CKMT2: variants seen among roughly 807,000 people sequenced by gnomAD.
The protein encoded by CKMT2 is creatine kinase, mitochondrial 2.
In CKMT2, 43 loss-of-function variants were observed where a neutral mutation model predicts 48.9. The ratio of observed to expected loss-of-function variants is 0.88; its 90% CI spans 0.69 to 1.13. The LOEUF is 1.13. CKMT2 is among the 50% of genes most tolerant of loss of function. The pLI is 0.00. For missense variants in CKMT2, 472 were observed against 555.4 expected, an observed-to-expected ratio of 0.85 and a Z score of 1.51; for synonymous variants, 206 against 213.0, an observed-to-expected ratio of 0.97 and a Z score of 0.29.
chr5:81,254,012 G>C (rs776891817), intron 3 of CKMT2, among the ~76,000 whole-genome samples: 3 of 152,312 alleles, frequency 2.0e-5, no homozygotes, highest in Non-Finnish European at 4.4e-5. Context: ...TGTAGCCTCT[G>C]ATCAGGTAGC....
At chr5:81,263,391 A>C (rs1378492126) in intron 8 of CKMT2, 100 bp from the exon 9 acceptor site, 1 of 507,882 alleles carries the variant, frequency 2.0e-6, no homozygotes, top group Non-Finnish European at 3.1e-6. Context: ...AAAAAGTTAA[A>C]CTGTTATCTC....
chr5:81,245,953 T>C (rs995692928), intron 1 of CKMT2, among the ~76,000 whole-genome samples: 1 of 151,992 alleles, frequency 6.6e-6, no homozygotes, highest in Non-Finnish European at 1.5e-5. Context: ...TCCCTTATCT[T>C]TCATTTCCAA....
chr5:81,251,088 C>CTAA, intron 1 of CKMT2, 25 bp from the exon 2 acceptor site: 2 of 1,599,820 alleles, frequency 1.3e-6, no homozygotes, highest in Non-Finnish European at 1.7e-6. Context: ...ATGAAGCTAT[C>CTAA]TAATCCAGCT....
At chr5:81,246,777 G>A (rs942873527) in intron 1 of CKMT2, 1 of 152,234 alleles carries the variant, frequency 6.6e-6, no homozygotes, top group East Asian at 1.9e-4. Context: ...TAGAGTGGAG[G>A]GGATGGTGGG....
At position 81,257,733 on chromosome 5, in the gene CKMT2, G is replaced by T; in HGVS notation, c.756G>T (p.Trp252Cys). Residue 252 changes from tryptophan (W) to cysteine (C), a missense_variant and splice_region_variant, in exon 7 of 10, where the codon TGG becomes TGT. By Grantham distance (215) the Trp-to-Cys change is radical. Coordinates refer to ENST00000254035, the MANE Select transcript of CKMT2 (RefSeq NM_001099735.2). Reference sequence around the variant, plus strand: ...AGTACCATATTTCTCTCTTCATTAGGCATAATTATGATAAGACATTTCTCA... The same window carrying T: ...AGTACCATATTTCTCTCTTCATTAGTCATAATTATGATAAGACATTTCTCA... ...ARDWPDARGI[W>C]HNYDKTFLIW... 1 of 1,610,630 alleles carries T rather than the reference G, an allele frequency of 6.2e-7. No individual in the cohort carries two copies. Among genetic ancestry groups the T allele is most frequent in the Non-Finnish European group, 8.5e-7 (1 of 1,178,126 alleles).
chr5:81,250,457 T>C (rs1756766168), intron 1 of CKMT2, among the ~76,000 whole-genome samples: 1 of 152,194 alleles, frequency 6.6e-6, no homozygotes, highest in Non-Finnish European at 1.5e-5. Flanking sequence ...TTGGTGATCT[T>C]TGGGAGTTCA....
rs749488402 is a variant in CKMT2 at position 81,255,211 on chromosome 5, C to G, written c.666C>G (p.Ile222Met). The change falls in exon 5 of 10, where the codon ATC (isoleucine) becomes ATG (methionine). Residue 222 changes from isoleucine to methionine, a missense_variant. By Grantham distance (10) the Ile-to-Met change is conservative. Transcript: ENST00000254035. ...CGGAGCAGGACCAGCAGCGGCTCAT[C>G]GATGTGAGTAGCAGATGGGGCTCCC... The part of the protein sequence containing the change: ...EMTEQDQQRL[I>M]DDHFLFDKPV... The G allele has an allele frequency of 1.5e-5, 25 of 1,613,596 alleles. No homozygotes were observed. Among genetic ancestry groups the G allele is most frequent in the Non-Finnish European group, 1.9e-5 (23 of 1,179,826 alleles).
intron 7 of CKMT2, among the ~76,000 whole-genome samples, chr5:81,258,145 T>A (rs1489867815): frequency 6.6e-6 from 1 of 152,156 alleles, no homozygotes; most frequent in Non-Finnish European, 1.5e-5. Flanking sequence ...GGTGATCTGC[T>A]GGCCTCAGCC....
At chr5:81,254,544 A>T in intron 4 of CKMT2, 53 bp downstream of exon 4, 1 of 1,505,020 alleles carries the variant, frequency 6.6e-7, no homozygotes, top group Non-Finnish European at 9.2e-7. Flanking sequence ...CCTGAGCCCA[A>T]GGGGAAGGCC....
chr5:81,233,421 G>T (rs1756164838), intron 1 of CKMT2, 44 bp downstream of exon 1: 1 of 983,470 alleles, frequency 1.0e-6, no homozygotes, highest in Non-Finnish European at 1.2e-6. Context: ...CCAAAGAGGG[G>T]TCATGGCTAG....
At chr5:81,237,645 G>C (rs753373993) in intron 1 of CKMT2, 1 of 152,148 alleles carries the variant, frequency 6.6e-6, no homozygotes, top group Non-Finnish European at 1.5e-5. Flanking sequence ...GTTCCATTAA[G>C]AGAAAATTAA....
rs980262414 is a variant in CKMT2, at chr5:81,252,576, T to C, written c.153-119T>C. On this transcript the variant is annotated intron_variant, in intron 2 of 9. Coordinates refer to ENST00000254035, the MANE Select transcript of CKMT2 (RefSeq NM_001099735.2). ...TGACTCCTAGGCAGTTCTAGCCAAGTATCCCTGTGCCCACTGGCTGAAGGG... is the reference window on the plus strand; with the variant it reads ...TGACTCCTAGGCAGTTCTAGCCAAGCATCCCTGTGCCCACTGGCTGAAGGG... The C allele has an allele frequency of 1.1e-5, 11 of 987,174 alleles. No homozygotes were observed. The Admixed American group carries it at 1.7e-4, about 16-fold the overall frequency. The allele number at this position is 987,174 out of a possible 1,614,324, so 61.2% of individuals were successfully genotyped here. A position where few individuals can be genotyped will look rare whatever the true frequency, so the allele number is the denominator to read the frequency against.
chr5:81,259,713 C>T (rs992494623), intron 8 of CKMT2, among the ~76,000 whole-genome samples: 6 of 152,160 alleles, frequency 3.9e-5, no homozygotes, highest in African/African-American at 1.4e-4. Context: ...CTTGGAGGAA[C>T]GCTGTCTTAG....
At chr5:81,262,221 C>T (rs1276918778) in intron 8 of CKMT2, among the ~76,000 whole-genome samples, 1 of 151,996 alleles carries the variant, frequency 6.6e-6, no homozygotes, top group Non-Finnish European at 1.5e-5. Context: ...AACATAAGAC[C>T]TAAAAACCAT....
intron 3 of CKMT2, among the ~76,000 whole-genome samples, chr5:81,253,510 C>T (rs530416111): frequency 1.6e-4 from 25 of 152,318 alleles, no homozygotes; most frequent in South Asian, 6.2e-4. Context: ...GCAGCCTCTC[C>T]GCTGAGGCAA....
intron 9 of CKMT2, among the ~76,000 whole-genome samples, chr5:81,265,536 G>C (rs73768056): frequency 0.018 from 2,679 of 152,286 alleles, 72 homozygotes; most frequent in African/African-American, 0.06. Flanking sequence ...AAATTAAGTA[G>C]ATGTGCTCTG....
intron 7 of CKMT2, 130 bp from the exon 8 acceptor site, chr5:81,258,990 T>G: frequency 1.2e-6 from 1 of 803,274 alleles, no homozygotes; most frequent in Non-Finnish European, 1.9e-6. Flanking sequence ...CTTAAAGGAG[T>G]ACTATAAATT....
chr5:81,250,176 G>C (rs1250951217), intron 1 of CKMT2, among the ~76,000 whole-genome samples: 1 of 152,090 alleles, frequency 6.6e-6, no homozygotes, highest in East Asian at 1.9e-4. Context: ...TACATTCTGA[G>C]TAATTTCTTA....
chr5:81,253,008 A>T, intron 3 of CKMT2, 115 bp downstream of exon 3: 1 of 1,156,194 alleles, frequency 8.6e-7, no homozygotes, highest in Non-Finnish European at 1.3e-6. Flanking sequence ...CTTCTCAGGA[A>T]GGGCTCTCAT....
Sources: gnomAD v4.1 joint callset for allele counts (sites outside exome capture counted in the v4.1 genomes callset) on GRCh38, gnomAD v4.1.1 for gene constraint, MANE v1.5 for transcripts, NCBI Gene and HGNC (gene_info 2026-07-23, HGNC 2026-07-21) for gene names.